The following SLC36A1 variants were observed in gnomAD, a reference collection of about 807,000 sequenced individuals.
SLC36A1 encodes the protein proton-coupled amino acid transporter 1.
In SLC36A1, 30 loss-of-function variants were observed where a neutral mutation model predicts 47.5. The observed-to-expected ratio is 0.63, with a 90% confidence interval of 0.47 to 0.86. The LOEUF is 0.86. Among genes scored for constraint, SLC36A1 ranks in the 40% least tolerant of loss-of-function variants. The probability of loss-of-function intolerance (pLI) is 0.00; values close to 1 mark genes in which losing one functional copy is unlikely to be tolerated. For synonymous variants in SLC36A1, 255 were observed against 249.7 expected (o/e 1.02, Z -0.20); for missense variants, 517 against 606.0 (o/e 0.85, Z 1.54).
At chr5:151,429,183 T>C in the SLC36A1 span, among the ~76,000 whole-genome samples, 3 of 152,150 alleles carry the variant, frequency 2.0e-5, no homozygotes, top group Admixed American at 2.0e-4. Context: ...CCTATGATTT[T>C]ATTTTTTTAT....
chr5:151,433,806 C>G (rs555863338), upstream of SLC36A1, among the ~76,000 whole-genome samples: 1 of 152,190 alleles, frequency 6.6e-6, no homozygotes, highest in African/African-American at 2.4e-5. Flanking sequence ...AATTCCGGAG[C>G]TGAGGACCTC....
Position 151,488,483 on chromosome 5 carries a change from T to C in SLC36A1, c.*229T>C, listed in dbSNP as rs1326956975. The C allele has an allele frequency of 6.9e-6, 4 of 576,160 alleles. No homozygotes were observed. Among genetic ancestry groups the C allele is most frequent in the Non-Finnish European group, 1.2e-5 (4 of 327,000 alleles). 35.7% of individuals were successfully genotyped at this position (576,160 alleles called of 1,614,324 possible). ...AGTGACAGGGCTGCCATCGCTCACC[T>C]GTACCTATTTACACCCAGAACTTTC... On this transcript the variant is annotated 3_prime_UTR_variant, in exon 11 of 11. Transcript: ENST00000243389.
At chr5:151,470,106 A>T (rs1236228967) in intron 7 of SLC36A1, among the ~76,000 whole-genome samples, 1 of 152,120 alleles carries the variant, frequency 6.6e-6, no homozygotes, top group Admixed American at 6.5e-5. Context: ...TCCCCTTTTT[A>T]TGAGACTGGA....
the SLC36A1 span, among the ~76,000 whole-genome samples, chr5:151,376,639 T>A: frequency 2.7e-4 from 38 of 142,190 alleles, no homozygotes; most frequent in African/African-American, 5.6e-4. Context: ...ATTTCAAAAA[T>A]TTTTTTTTTT....
the SLC36A1 span, among the ~76,000 whole-genome samples, chr5:151,421,830 T>C: frequency 6.6e-6 from 1 of 152,166 alleles, no homozygotes; most frequent in South Asian, 2.1e-4. Context: ...AACCTTGTGA[T>C]CCACCCGCCT....
chr5:151,551,003 G>T, the SLC36A1 span: 2 of 783,948 alleles, frequency 2.6e-6, no homozygotes, highest in Non-Finnish European at 4.1e-6. Context: ...ATAAATATTT[G>T]TTGAATGAAT....
chr5:151,445,073 T>TA (rs1752841214), upstream of SLC36A1, among the ~76,000 whole-genome samples: 1 of 152,214 alleles, frequency 6.6e-6, no homozygotes, highest in South Asian at 2.1e-4. Flanking sequence ...ATTAAAATGT[T>TA]AACTGTGTGT....
At chr5:151,501,237 T>C in the SLC36A1 span, among the ~76,000 whole-genome samples, 1 of 152,226 alleles carries the variant, frequency 6.6e-6, no homozygotes, top group Non-Finnish European at 1.5e-5. Context: ...GTTACATATT[T>C]TCATGGTATC....
At chr5:151,363,766 G>A in the SLC36A1 span, among the ~76,000 whole-genome samples, 1 of 152,130 alleles carries the variant, frequency 6.6e-6, no homozygotes. Flanking sequence ...CACTTTGTAT[G>A]GATCCCATGG....
chr5:151,418,496 A>G, the SLC36A1 span, among the ~76,000 whole-genome samples: 21 of 152,232 alleles, frequency 1.4e-4, no homozygotes, highest in Admixed American at 3.3e-4. Context: ...AAATGGAGTC[A>G]AAGGCGATCA....
chr5:151,419,541 A>G, the SLC36A1 span, among the ~76,000 whole-genome samples: 2 of 152,226 alleles, frequency 1.3e-5, no homozygotes, highest in Non-Finnish European at 2.9e-5. Context: ...CTTTGTTGTC[A>G]AGAATGTAAA....
At chr5:151,411,729 C>T in the SLC36A1 span, among the ~76,000 whole-genome samples, 568 of 144,376 alleles carry the variant, frequency 3.9e-3, 56 homozygotes, top group African/African-American at 0.014. Context: ...TCTTTTTCCC[C>T]CAGTTACTTC....
the SLC36A1 span, chr5:151,422,100 G>GA: frequency 6.6e-6 from 1 of 152,230 alleles, no homozygotes; most frequent in African/African-American, 2.4e-5. Context: ...GTAAAGCAAA[G>GA]AAAGTTGTGT....
At chr5:151,370,448 T>C in the SLC36A1 span, among the ~76,000 whole-genome samples, 1 of 152,162 alleles carries the variant, frequency 6.6e-6, no homozygotes. Flanking sequence ...TTGTTAGATT[T>C]ACAGTTACTA....
intron 1 of SLC36A1, among the ~76,000 whole-genome samples, chr5:151,458,312 G>GGGATA (rs1754933911): frequency 1.8e-5 from 2 of 111,240 alleles, no homozygotes; most frequent in African/African-American, 7.0e-5. Flanking sequence ...GTGTATATAC[G>GGGATA]TATATATATA....
chr5:151,447,194 C>T (rs1581037741), upstream of SLC36A1, among the ~76,000 whole-genome samples: 1 of 152,312 alleles, frequency 6.6e-6, no homozygotes, highest in Non-Finnish European at 1.5e-5. Context: ...TGTTGCCCTA[C>T]CCCACAGTTC....
chr5:151,452,585 A>G (rs1753805267), intron 1 of SLC36A1: 1 of 152,156 alleles, frequency 6.6e-6, no homozygotes, highest in South Asian at 2.1e-4. Context: ...CTAGGAAGCT[A>G]GTTAAAAATA....
chr5:151,355,074 A>C, the SLC36A1 span, among the ~76,000 whole-genome samples: 1,644 of 152,300 alleles, frequency 0.011, 67 homozygotes, highest in East Asian at 0.15. Flanking sequence ...ACCAGCAAAA[A>C]GTCTGGCTGC....
At chr5:151,532,835 C>T in the SLC36A1 span, among the ~76,000 whole-genome samples, 7 of 152,336 alleles carry the variant, frequency 4.6e-5, no homozygotes, top group South Asian at 4.1e-4. Context: ...AAGGGTCTCA[C>T]GTCTCCCACA....
Sources: allele counts gnomAD v4.1 joint callset (sites outside exome capture counted in the v4.1 genomes callset), GRCh38; gene constraint gnomAD v4.1.1; transcripts MANE v1.5; gene names NCBI Gene and HGNC (gene_info 2026-07-23, HGNC 2026-07-21).